BRMS1L: variants seen among roughly 807,000 people sequenced by gnomAD.
BRMS1L encodes breast cancer metastasis-suppressor 1-like protein.
In BRMS1L, 23 loss-of-function variants were observed where a neutral mutation model predicts 50.3. The ratio of observed to expected loss-of-function variants is 0.46; its 90% CI spans 0.33 to 0.65. The LOEUF (loss-of-function observed/expected upper bound fraction) is 0.65. Ranked by LOEUF, BRMS1L falls within the 30% of genes least tolerant of loss-of-function variation. BRMS1L has a pLI of 0.02. For missense variants in BRMS1L, 286 were observed against 386.1 expected, an observed-to-expected ratio of 0.74 and a Z score of 2.17; for synonymous variants, 114 against 126.9, an observed-to-expected ratio of 0.90 and a Z score of 0.69.
chr14:35,827,377 G>T (rs1212882659), intron 1 of BRMS1L, among the ~76,000 whole-genome samples: 1 of 152,172 alleles, frequency 6.6e-6, no homozygotes, highest in Non-Finnish European at 1.5e-5. Context: ...AAACTTTTAG[G>T]AATGGTTATT....
intron 9 of BRMS1L, among the ~76,000 whole-genome samples, chr14:35,870,053 CCA>C (rs1319107352): frequency 6.7e-6 from 1 of 149,306 alleles, no homozygotes; most frequent in Non-Finnish European, 1.5e-5. Flanking sequence ...GCTTTTAGCT[CCA>C]GTTTTTTTTT....
intron 9 of BRMS1L, among the ~76,000 whole-genome samples, chr14:35,869,521 C>CAA (rs34129844): frequency 2.1e-5 from 3 of 145,798 alleles, no homozygotes; most frequent in Non-Finnish European, 4.5e-5. Flanking sequence ...AACCCAGTCT[C>CAA]AAAAAAAAAA....
intron 4 of BRMS1L, among the ~76,000 whole-genome samples, chr14:35,848,564 C>G (rs2078166985): frequency 6.6e-6 from 1 of 152,072 alleles, no homozygotes; most frequent in African/African-American, 2.4e-5. Context: ...AGCTTATTCC[C>G]CCTGTCTAAC....
At chr14:35,843,817 G>A (rs575071975) in intron 4 of BRMS1L, among the ~76,000 whole-genome samples, 20 of 152,358 alleles carry the variant, frequency 1.3e-4, no homozygotes, top group African/African-American at 4.6e-4. Context: ...CTCTGTCCTA[G>A]GGAGATGGGA....
At position 35,863,818 on chromosome 14, in the gene BRMS1L, C is replaced by T. The variant is rs1225986182; in HGVS notation, c.539-52C>T. On this transcript the variant is annotated intron_variant, in intron 5 of 9. Coordinates refer to ENST00000216807, the MANE Select transcript of BRMS1L (RefSeq NM_032352.4). ...CACCATAAAATTAGAGTCTTTTTTCCTCCTTTGTTCACCAGAAACCCACTA... is the reference window on the plus strand; with the variant it reads ...CACCATAAAATTAGAGTCTTTTTTCTTCCTTTGTTCACCAGAAACCCACTA... The T allele has an allele frequency of 2.6e-6, 4 of 1,513,084 alleles. No individual in the cohort carries two copies. The Admixed American group carries it at 6.3e-5, about 24-fold the overall frequency. The allele number at this position is 1,513,084 out of a possible 1,614,324, so 93.7% of individuals were successfully genotyped here.
chr14:35,828,954 T>C (rs966233232), intron 1 of BRMS1L, among the ~76,000 whole-genome samples: 2 of 151,942 alleles, frequency 1.3e-5, no homozygotes, highest in Non-Finnish European at 2.9e-5. Context: ...CTTTTTTTTT[T>C]TTCTTTTTTT....
chr14:35,863,077 C>T (rs1194084052), intron 5 of BRMS1L, among the ~76,000 whole-genome samples: 2 of 151,860 alleles, frequency 1.3e-5, no homozygotes, highest in Non-Finnish European at 2.9e-5. Context: ...CGCCACTGCA[C>T]TCCAGACTGG....
intron 1 of BRMS1L, 66 bp downstream of exon 1, chr14:35,826,724 G>A: frequency 1.3e-6 from 2 of 1,581,618 alleles, no homozygotes; most frequent in Non-Finnish European, 8.6e-7. Context: ...CTCTCCGCAC[G>A]CCAGGCGGCT....
At chr14:35,868,086 G>C in intron 9 of BRMS1L, 54 bp downstream of exon 9, 1 of 1,506,438 alleles carries the variant, frequency 6.6e-7, no homozygotes, top group East Asian at 2.3e-5. Flanking sequence ...TTACAACATC[G>C]TTGTCAGTGA....
intron 9 of BRMS1L, among the ~76,000 whole-genome samples, chr14:35,868,863 T>G (rs1171513406): frequency 6.6e-6 from 1 of 152,244 alleles, no homozygotes; most frequent in East Asian, 1.9e-4. Context: ...ATGTCTAGGC[T>G]TAAATAAAGT....
At chr14:35,868,536 G>T (rs1437945289) in intron 9 of BRMS1L, among the ~76,000 whole-genome samples, 1 of 152,142 alleles carries the variant, frequency 6.6e-6, no homozygotes, top group Non-Finnish European at 1.5e-5. Context: ...TGTAATTCCA[G>T]CACTTTGGGA....
chr14:35,831,232 G>A (rs996168410), intron 1 of BRMS1L, among the ~76,000 whole-genome samples, 178 bp from the exon 2 acceptor site: 4 of 152,064 alleles, frequency 2.6e-5, no homozygotes, highest in African/African-American at 7.2e-5. Context: ...GAGCCACTAC[G>A]CCCAGCAGAA....
chr14:35,829,824 GC>G, intron 1 of BRMS1L: 3 of 1,254,910 alleles, frequency 2.4e-6, no homozygotes, highest in Non-Finnish European at 3.1e-6. Context: ...AGATCAAGAT[GC>G]AGATCATTTT....
intron 4 of BRMS1L, among the ~76,000 whole-genome samples, chr14:35,845,010 A>T: frequency 6.6e-6 from 1 of 152,118 alleles, no homozygotes; most frequent in African/African-American, 2.4e-5. Flanking sequence ...GCTCGTAAGT[A>T]GTTAGGACTA....
At chr14:35,856,523 C>G (rs530235743) in intron 4 of BRMS1L, among the ~76,000 whole-genome samples, 7 of 151,790 alleles carry the variant, frequency 4.6e-5, no homozygotes, top group Non-Finnish European at 1.0e-4. Flanking sequence ...TAGTAAATGT[C>G]TGTCGAGAAA....
chr14:35,866,943 G>A (rs1461103986), intron 8 of BRMS1L, among the ~76,000 whole-genome samples: 1 of 152,034 alleles, frequency 6.6e-6, no homozygotes, highest in East Asian at 1.9e-4. Context: ...TTTACTCATA[G>A]CACTTCACTC....
At chr14:35,841,998 C>CTTT (rs574267347) in intron 4 of BRMS1L, among the ~76,000 whole-genome samples, 3 of 112,210 alleles carry the variant, frequency 2.7e-5, no homozygotes, top group African/African-American at 1.1e-4. Context: ...GCAATCTCTG[C>CTTT]TTTTTTTTTT....
intron 4 of BRMS1L, among the ~76,000 whole-genome samples, chr14:35,844,699 C>CTT (rs1341366115): frequency 6.6e-6 from 1 of 152,172 alleles, no homozygotes; most frequent in African/African-American, 2.4e-5. Context: ...GTTCTAGCTG[C>CTT]TTGAGTTGCT....
At position 35,837,107 on chromosome 14, in the gene BRMS1L, T is replaced by C. The variant is rs368753687; in HGVS notation, c.441+2184T>C. Among the ~76,000 whole-genome samples the C allele has an allele frequency of 8.1e-5, 12 of 148,804 alleles. No individual in the cohort carries two copies. In the East Asian group the frequency reaches 1.6e-3, roughly 20 times the overall value. Reference sequence around the variant, plus strand: ...CTGTTTCTACTAAAAATACAAAAATTAGCTGGGTGTGGTGGCATGCGCCTG... The same window carrying C: ...CTGTTTCTACTAAAAATACAAAAATCAGCTGGGTGTGGTGGCATGCGCCTG... On this transcript the variant is annotated intron_variant, in intron 4 of 9. Coordinates refer to ENST00000216807, the MANE Select transcript of BRMS1L (RefSeq NM_032352.4).
Sources: allele counts gnomAD v4.1 joint callset (sites outside exome capture counted in the v4.1 genomes callset), GRCh38; gene constraint gnomAD v4.1.1; transcripts MANE v1.5; gene names NCBI Gene and HGNC (gene_info 2026-07-23, HGNC 2026-07-21).